TMEM132B: variants seen among roughly 807,000 people sequenced by gnomAD.
The protein encoded by TMEM132B is transmembrane protein 132B.
A neutral mutation model predicts 90.8 loss-of-function variants in TMEM132B; 18 were observed. That is an observed-to-expected ratio of 0.20 (90% CI 0.14 to 0.29). TMEM132B has a LOEUF of 0.29. Ranked by LOEUF, TMEM132B falls within the 10% of genes least tolerant of loss-of-function variation. The pLI is 1.00. For synonymous variants in TMEM132B, 504 were observed against 523.3 expected, an observed-to-expected ratio of 0.96 and a Z score of 0.50; for missense variants, 1,096 against 1,326.8, an observed-to-expected ratio of 0.83 and a Z score of 2.70.
At chr12:125,615,277 A>C (rs1885959014) in intron 5 of TMEM132B, among the ~76,000 whole-genome samples, 1 of 150,484 alleles carries the variant, frequency 6.6e-6, no homozygotes, top group Admixed American at 6.6e-5. Context: ...TTCTCTTTCT[A>C]CTCTTCCTAG....
rs1875024862 is a variant in TMEM132B at position 125,277,490 on chromosome 12, AT to A, written c.68-71961del. On this transcript the variant is annotated intron_variant, in intron 1 of 8. Transcript: ENST00000682704. This position sits in a 1 kb window ranked among gnomAD's most constrained non-coding sequence, Gnocchi z 4.3. ...CAAGACTCTGTCTCAAAAAAAAAAGATGAAGAGGGAGAACACACACACACAC... is the reference window on the plus strand; with the variant it reads ...CAAGACTCTGTCTCAAAAAAAAAAGAGAAGAGGGAGAACACACACACACAC... 9.0e-6 allele frequency among the ~76,000 whole-genome samples: 1 copy of A among 110,554 alleles called. No individual in the cohort carries two copies. Among genetic ancestry groups the A allele is most frequent in the Admixed American group, 8.7e-5 (1 of 11,474 alleles). 72.5% of individuals were successfully genotyped at this position (110,554 alleles called of 152,430 possible).
chr12:125,368,515 GT>G (rs1347122452), intron 2 of TMEM132B, among the ~76,000 whole-genome samples: 1 of 152,090 alleles, frequency 6.6e-6, no homozygotes, highest in Non-Finnish European at 1.5e-5. Flanking sequence ...TTTATTCATT[GT>G]TTAATTTACA....
chr12:125,359,557 G>A (rs148817335), intron 2 of TMEM132B, among the ~76,000 whole-genome samples: 1,753 of 152,164 alleles, frequency 0.012, 38 homozygotes, highest in African/African-American at 0.039. Context: ...CATTCCTTAT[G>A]GTTACAACTA....
At chr12:125,636,145 G>T (rs1886473469) in intron 5 of TMEM132B, among the ~76,000 whole-genome samples, 2 of 152,164 alleles carry the variant, frequency 1.3e-5, no homozygotes, top group South Asian at 4.1e-4. Context: ...TCCCATGAAG[G>T]TGCTTTTTTG....
chr12:125,636,437 A>G (rs546779946), intron 5 of TMEM132B, among the ~76,000 whole-genome samples: 3 of 152,180 alleles, frequency 2.0e-5, no homozygotes, highest in African/African-American at 7.2e-5. Context: ...ATTCCCTATT[A>G]TTTTCACTTG....
At chr12:125,569,456 G>T (rs1185356265) in intron 4 of TMEM132B, among the ~76,000 whole-genome samples, 1 of 152,106 alleles carries the variant, frequency 6.6e-6, no homozygotes, top group Non-Finnish European at 1.5e-5. Context: ...CTTAAGATCT[G>T]GTGTCCATCC....
At chr12:125,249,595 C>A (rs1402952902) in intron 1 of TMEM132B, among the ~76,000 whole-genome samples, 1 of 152,214 alleles carries the variant, frequency 6.6e-6, no homozygotes, top group African/African-American at 2.4e-5. Context: ...ACTGTGTCAT[C>A]CAGACTTGCT....
chr12:125,486,935 G>A (rs969959426), intron 3 of TMEM132B, among the ~76,000 whole-genome samples: 1 of 152,318 alleles, frequency 6.6e-6, no homozygotes, highest in African/African-American at 2.4e-5. Context: ...AGGAATGTAT[G>A]CAGACCTGAG....
chr12:125,506,769 C>G (rs748204406), intron 3 of TMEM132B, among the ~76,000 whole-genome samples: 8 of 152,202 alleles, frequency 5.3e-5, no homozygotes, highest in Admixed American at 1.3e-4. Flanking sequence ...CTCATGCCAG[C>G]CTAAACTTGA....
intron 3 of TMEM132B, among the ~76,000 whole-genome samples, chr12:125,427,955 C>G (rs796311768): frequency 8.6e-5 from 13 of 151,748 alleles, no homozygotes; most frequent in African/African-American, 2.4e-4. Flanking sequence ...GTTGAAGAAA[C>G]AAACGAAGGG....
In TMEM132B at chr12:125,213,166, T is replaced by G. The variant is rs1470901224; in HGVS notation, c.67+26300T>G. 6.6e-6 allele frequency among the ~76,000 whole-genome samples: 1 copy of G among 152,242 alleles called. No homozygotes were observed. The highest frequency in any genetic ancestry group is 2.1e-4 in the South Asian group (1 of 4,834). On this transcript the variant is annotated intron_variant, in intron 1 of 8. Coordinates refer to ENST00000682704, the MANE Select transcript of TMEM132B (RefSeq NM_001366854.1). The surrounding 1 kb of genome is among the most constrained non-coding windows in gnomAD (Gnocchi z 4.2). Reference sequence around the variant, plus strand: ...CTGGCTATTTAATACAAATGCAGTCTTAAAATATGCACCCTTTTGGGTCTG... The same window carrying G: ...CTGGCTATTTAATACAAATGCAGTCGTAAAATATGCACCCTTTTGGGTCTG...
Position 125,558,746 on chromosome 12 carries a change from T to C in TMEM132B, c.1294-25105T>C, listed in dbSNP as rs1179230298. Among the ~76,000 whole-genome samples, 7 of 152,218 alleles carry C rather than the reference T, an allele frequency of 4.6e-5. No individual in the cohort carries two copies. In the South Asian group the frequency reaches 1.5e-3, roughly 32 times the overall value. On this transcript the variant is annotated intron_variant, in intron 4 of 8. Transcript: ENST00000682704. ...TTATAGATCAAGAAGATGAGTCTAA[T>C]CAATTGATGTATTAATTAAGCTATC...
chr12:125,567,858 A>G (rs7956979), intron 4 of TMEM132B, among the ~76,000 whole-genome samples: 87,603 of 151,998 alleles, frequency 0.58, 26,878 homozygotes, highest in Middle Eastern at 0.78. Context: ...GTGCTAGTAT[A>G]ATAGGTGGTG....
intron 4 of TMEM132B, among the ~76,000 whole-genome samples, chr12:125,575,956 A>G (rs933260421): frequency 1.3e-5 from 2 of 152,096 alleles, no homozygotes; most frequent in Admixed American, 1.3e-4. Flanking sequence ...TGCTATGGCT[A>G]TTCTGCCTCT....
intron 4 of TMEM132B, among the ~76,000 whole-genome samples, chr12:125,579,982 C>T (rs183695871): frequency 6.6e-6 from 1 of 152,066 alleles, no homozygotes; most frequent in Non-Finnish European, 1.5e-5. Context: ...CTTTTATAAA[C>T]TAATTCTGTA....
At chr12:125,583,272 A>G (rs1422057017) in intron 4 of TMEM132B, among the ~76,000 whole-genome samples, 2 of 152,170 alleles carry the variant, frequency 1.3e-5, no homozygotes, top group Non-Finnish European at 2.9e-5. Flanking sequence ...CGCACATGTC[A>G]GCATTTAAAA....
At chr12:125,339,426 G>C (rs774642979) in intron 1 of TMEM132B, among the ~76,000 whole-genome samples, 2 of 152,096 alleles carry the variant, frequency 1.3e-5, no homozygotes, top group African/African-American at 2.4e-5. Context: ...TTGAACTGGG[G>C]GCTCTTGACC....
At chr12:125,435,048 A>C (rs918884470) in intron 3 of TMEM132B, among the ~76,000 whole-genome samples, 1 of 152,022 alleles carries the variant, frequency 6.6e-6, no homozygotes, top group Non-Finnish European at 1.5e-5. Context: ...CATCCTCCGC[A>C]CCTCTGCTTT....
intron 3 of TMEM132B, among the ~76,000 whole-genome samples, chr12:125,476,150 A>G (rs1174056528): frequency 2.0e-5 from 3 of 152,194 alleles, no homozygotes; most frequent in Non-Finnish European, 4.4e-5. Flanking sequence ...TGGTAAGGAA[A>G]ATTATATTTT....
Sources: allele counts gnomAD v4.1 joint callset (sites outside exome capture counted in the v4.1 genomes callset), GRCh38; gene constraint gnomAD v4.1.1; non-coding constraint Gnocchi (gnomAD v3.1); transcripts MANE v1.5; gene names NCBI Gene and HGNC (gene_info 2026-07-23, HGNC 2026-07-21).